Variants in NMS observed in about 807,000 individuals in gnomAD.
NMS encodes the protein neuromedin-S.
A neutral mutation model predicts 32.2 loss-of-function variants in NMS; 30 were observed. The observed-to-expected ratio is 0.93, with a 90% CI of 0.70 to 1.26. The LOEUF (loss-of-function observed/expected upper bound fraction) is 1.26, where lower values mean the gene tolerates loss of function less well. Ranked by LOEUF, NMS falls within the 50% of genes most tolerant of loss-of-function variation. The pLI, the probability that NMS is intolerant of heterozygous loss-of-function variation, is 0.00. For synonymous variants in NMS, 76 were observed against 58.5 expected (o/e 1.30, Z -1.37); for missense variants, 190 against 186.3 (o/e 1.02, Z -0.12).
At chr2:100,478,831 C>G (rs1677160843) in intron 5 of NMS, among the ~76,000 whole-genome samples, 1 of 152,196 alleles carries the variant, frequency 6.6e-6, no homozygotes, top group Non-Finnish European at 1.5e-5. Context: ...AACAAAAAAA[C>G]TGTAACACAA....
At chr2:100,482,072 G>A (rs1314289709) in intron 8 of NMS, among the ~76,000 whole-genome samples, 2 of 152,218 alleles carry the variant, frequency 1.3e-5, no homozygotes, top group Non-Finnish European at 2.9e-5. Context: ...TAGGAGCAGT[G>A]AGGTTCCTGG....
chr2:100,480,285 G>A (rs1308470322), intron 6 of NMS, among the ~76,000 whole-genome samples: 2 of 152,260 alleles, frequency 1.3e-5, no homozygotes, highest in Admixed American at 1.3e-4. Flanking sequence ...TGGTAACTCA[G>A]TCAAGACGAC....
At chr2:100,470,895 C>T (rs12105430) in intron 1 of NMS, among the ~76,000 whole-genome samples, 6,164 of 152,304 alleles carry the variant, frequency 0.04, 368 homozygotes, top group African/African-American at 0.13. Context: ...CATTTCTGCT[C>T]CCTGGATTCT....
At chr2:100,479,221 G>A (rs1275423419) in intron 5 of NMS, 132 bp from the exon 6 acceptor site, 1 of 591,616 alleles carries the variant, frequency 1.7e-6, no homozygotes. Context: ...GCTCAAAAAT[G>A]GGTTTTACTC....
chr2:100,479,311 G>A, intron 5 of NMS, 42 bp from the exon 6 acceptor site: 1 of 1,474,486 alleles, frequency 6.8e-7, no homozygotes, highest in South Asian at 1.2e-5. Flanking sequence ...CCCCTCTGTG[G>A]ATGTCCCCCT....
At chr2:100,482,503 A>T (rs1197153033) in intron 9 of NMS, among the ~76,000 whole-genome samples, 192 bp downstream of exon 9, 1 of 150,360 alleles carries the variant, frequency 6.7e-6, no homozygotes, top group Non-Finnish European at 1.5e-5. Context: ...ACCCCAGCCT[A>T]GCAGATGCAG....
chr2:100,473,419 T>C (rs991880867), intron 2 of NMS, 70 bp from the exon 3 acceptor site: 8 of 791,256 alleles, frequency 1.0e-5, no homozygotes, highest in Non-Finnish European at 1.6e-5. Context: ...TGTATTTGAT[T>C]ACCCATTAAT....
chr2:100,482,598 G>A (rs1386043307), intron 9 of NMS, among the ~76,000 whole-genome samples: 1 of 152,148 alleles, frequency 6.6e-6, no homozygotes, highest in East Asian at 1.9e-4. Flanking sequence ...CGATGGGGAT[G>A]CAGGCTCATT....
chr2:100,471,113 C>T (rs549387021), intron 1 of NMS, among the ~76,000 whole-genome samples: 1 of 152,290 alleles, frequency 6.6e-6, no homozygotes, highest in South Asian at 2.1e-4. Flanking sequence ...AGGTGCTGAC[C>T]GGGTGCGGGC....
intron 3 of NMS, among the ~76,000 whole-genome samples, chr2:100,473,862 C>A (rs932887989): frequency 1.3e-5 from 2 of 152,014 alleles, no homozygotes; most frequent in Non-Finnish European, 2.9e-5. Context: ...TTCTCCAAAA[C>A]AATAGTTATC....
At chr2:100,481,450 T>A (rs568556310) in intron 8 of NMS, among the ~76,000 whole-genome samples, 1 of 152,332 alleles carries the variant, frequency 6.6e-6, no homozygotes, top group African/African-American at 2.4e-5. Flanking sequence ...AGCCCATGTT[T>A]TAGAGCATTA....
chr2:100,474,912 C>T (rs960983816), intron 3 of NMS, among the ~76,000 whole-genome samples: 2 of 152,190 alleles, frequency 1.3e-5, no homozygotes, highest in Non-Finnish European at 1.5e-5. Context: ...ACTCAGAGTT[C>T]TTCATCCCTT....
At chr2:100,473,575 T>C in intron 3 of NMS, 36 bp downstream of exon 3, 2 of 745,438 alleles carry the variant, frequency 2.7e-6, no homozygotes, top group Non-Finnish European at 3.7e-6. Flanking sequence ...ATATATAAAA[T>C]ATATATATAT....
At chr2:100,479,170 G>A (rs981404894) in intron 5 of NMS, among the ~76,000 whole-genome samples, 183 bp from the exon 6 acceptor site, 12 of 152,226 alleles carry the variant, frequency 7.9e-5, no homozygotes, top group Non-Finnish European at 1.6e-4. Context: ...TGTTCTCACG[G>A]CAAGCGGCTC....
intron 3 of NMS, among the ~76,000 whole-genome samples, chr2:100,476,894 C>A (rs748416004): frequency 1.3e-5 from 2 of 152,080 alleles, no homozygotes; most frequent in Non-Finnish European, 2.9e-5. Context: ...ATACACTCTG[C>A]GGCAAATTAA....
At chr2:100,480,290 G>A (rs1329518404) in intron 6 of NMS, among the ~76,000 whole-genome samples, 1 of 152,262 alleles carries the variant, frequency 6.6e-6, no homozygotes, top group Non-Finnish European at 1.5e-5. Flanking sequence ...ACTCAGTCAA[G>A]ACGACAAGCT....
At chr2:100,480,185 C>T (rs780752719) in intron 6 of NMS, among the ~76,000 whole-genome samples, 17 of 152,220 alleles carry the variant, frequency 1.1e-4, no homozygotes, top group South Asian at 2.1e-4. Context: ...ATGGCTAATC[C>T]TTTAAAAGTT....
In NMS at chr2:100,480,526, A is replaced by T; in HGVS notation, c.367A>T (p.Lys123Ter). ...GGGGACTGCTGCAGTGGACTTCACC[A>T]AGAAGGTACACAAGAGCCTTGGAGA... ...GSGTAAVDFT[K>*]KDHTATWGRP... Residue 123 changes from lysine (K) to a stop codon, truncating the protein, a stop_gained, in exon 7 of 10, where the codon AAG becomes TAG. Transcript: ENST00000376865. LOFTEE classifies it high-confidence loss of function. 6.2e-7 allele frequency: 1 copy of T among 1,613,010 alleles called. No homozygotes were observed. The highest frequency in any genetic ancestry group is 8.5e-7 in the Non-Finnish European group (1 of 1,179,978).
intron 2 of NMS, among the ~76,000 whole-genome samples, 163 bp from the exon 3 acceptor site, chr2:100,473,326 T>C (rs1331067439): frequency 6.6e-6 from 1 of 152,142 alleles, no homozygotes; most frequent in Non-Finnish European, 1.5e-5. Flanking sequence ...ATTAGCTATT[T>C]TGAGATATCC....
Sources: allele counts gnomAD v4.1 joint callset (sites outside exome capture counted in the v4.1 genomes callset), GRCh38; gene constraint gnomAD v4.1.1; transcripts MANE v1.5; gene names NCBI Gene and HGNC (gene_info 2026-07-23, HGNC 2026-07-21).